The following DMXL1 variants were observed in gnomAD, a reference collection of about 807,000 sequenced individuals.
The protein encoded by DMXL1 is dmX-like protein 1.
Under a neutral mutation model 319.2 loss-of-function variants are expected in DMXL1, and 99 were observed. That is an observed-to-expected ratio of 0.31 (90% CI 0.26 to 0.37). The LOEUF is 0.37. Among genes scored for constraint, DMXL1 ranks in the 10% least tolerant of loss-of-function variants. DMXL1 has a pLI of 1.00. For missense variants in DMXL1, 3,745 were observed against 3,595.6 expected (o/e 1.04, Z -1.06); for synonymous variants, 1,385 against 1,235.2 (o/e 1.12, Z -2.54).
Position 119,133,543 on chromosome 5 carries a change from A to T in DMXL1, c.1619A>T (p.Asn540Ile). 6.2e-7 allele frequency: 1 copy of T among 1,612,876 alleles called. No homozygotes were observed. The highest frequency in any genetic ancestry group is 8.5e-7 in the Non-Finnish European group (1 of 1,179,752). The change falls in exon 12 of 44, where the codon AAC becomes ATC. Residue 540 changes from asparagine (N) to isoleucine (I), a missense_variant. By Grantham distance (149) the Asn-to-Ile change is moderately radical. Coordinates refer to ENST00000539542, the MANE Select transcript of DMXL1 (RefSeq NM_001290321.3). The stretch of plus-strand genomic sequence containing the variant: ...GTAGCTTTCCCCACAGGTGATGCAA[A>T]CTCTCTCTGTAAAAGCATAATGATG... ...IPVAFPTGDA[N>I]SLCKSIMMYA...
At chr5:119,173,780 A>G (rs868220735) in intron 25 of DMXL1, among the ~76,000 whole-genome samples, 48 of 111,036 alleles carry the variant, frequency 4.3e-4, no homozygotes, top group African/African-American at 1.4e-3. Context: ...GTGTGTGTAT[A>G]TATATATATA....
intron 38 of DMXL1, among the ~76,000 whole-genome samples, chr5:119,229,308 C>T (rs1036658100): frequency 6.6e-6 from 1 of 152,072 alleles, no homozygotes; most frequent in African/African-American, 2.4e-5. Context: ...AACAAAATCT[C>T]GATTTTGTGG....
At chr5:119,180,602 GTAT>G (rs1247770442) in intron 28 of DMXL1, among the ~76,000 whole-genome samples, 1 of 151,794 alleles carries the variant, frequency 6.6e-6, no homozygotes, top group Non-Finnish European at 1.5e-5. Flanking sequence ...AAAATATTAA[GTAT>G]TTTGTTTTTG....
chr5:119,129,346 T>G lies in DMXL1; in HGVS notation c.1238T>G (p.Leu413Arg). 1 of 1,613,808 alleles carries G rather than the reference T, an allele frequency of 6.2e-7. No homozygotes were observed. Among genetic ancestry groups the G allele is most frequent in the Non-Finnish European group, 8.5e-7 (1 of 1,179,876 alleles). ...TCCATGGAAGTTTTTTTACAGCAAC[T>G]TAGAAAAAGTTTTGAACAACCATCT... ...TLSMEVFLQQ[L>R]RKSFEQPSSE... Residue 413 changes from leucine to arginine, a missense_variant, in exon 10 of 44, where the codon CTT (leucine) becomes CGT (arginine). Physicochemically the swap from Leu to Arg is moderately radical, Grantham distance 102. Coordinates refer to ENST00000539542, the MANE Select transcript of DMXL1 (RefSeq NM_001290321.3).
chr5:119,173,698 G>GTGTGTGTGTGTGTGTGTGTA (rs1416089635), intron 25 of DMXL1, among the ~76,000 whole-genome samples: 1 of 55,856 alleles, frequency 1.8e-5, no homozygotes, highest in African/African-American at 4.0e-5. Context: ...GTGTGTGTGT[G>GTGTGTGTGTGTGTGTGTGTA]TATATATATA....
intron 32 of DMXL1, 66 bp from the exon 33 acceptor site, chr5:119,203,253 G>T: frequency 9.8e-7 from 1 of 1,019,896 alleles, no homozygotes; most frequent in Non-Finnish European, 1.4e-6. Flanking sequence ...TGGCACCAAG[G>T]AATTGTTATC....
intron 28 of DMXL1, among the ~76,000 whole-genome samples, chr5:119,182,560 A>G (rs998353752): frequency 6.6e-6 from 1 of 152,100 alleles, no homozygotes; most frequent in Non-Finnish European, 1.5e-5. Flanking sequence ...ACTAGATTAT[A>G]TTTCTTTCTA....
chr5:119,074,779 G>A (rs1287318415), intron 1 of DMXL1, among the ~76,000 whole-genome samples: 1 of 152,158 alleles, frequency 6.6e-6, no homozygotes, highest in African/African-American at 2.4e-5. Context: ...GATTGTATGT[G>A]TATGACTTCC....
intron 34 of DMXL1, 57 bp from the exon 35 acceptor site, chr5:119,216,841 ATAT>A: frequency 1.2e-6 from 1 of 849,090 alleles, no homozygotes; most frequent in Non-Finnish European, 1.9e-6. Flanking sequence ...AGATTGGCAT[ATAT>A]TATTAGTTCT....
chr5:119,094,296 C>G lies in DMXL1; in HGVS notation c.88-3683C>G, dbSNP rs112970951. Among the ~76,000 whole-genome samples, 65 of 152,170 alleles carry G rather than the reference C, an allele frequency of 4.3e-4. 1 individual carries two copies. Among genetic ancestry groups the G allele is most frequent in the African/African-American group, 2.2e-4 (9 of 41,448 alleles). ...TGAAGCCCATGCCCATTTATCATGC[C>G]GAGAATCCTAGAGTCTTTAAGAATT... On this transcript the variant is annotated intron_variant, in intron 1 of 43. Transcript: ENST00000539542.
intron 18 of DMXL1, among the ~76,000 whole-genome samples, chr5:119,151,525 C>A (rs1271960694): frequency 6.6e-6 from 1 of 152,030 alleles, no homozygotes; most frequent in Non-Finnish European, 1.5e-5. Context: ...AAATATCAGG[C>A]CCTCCCACCA....
intron 29 of DMXL1, among the ~76,000 whole-genome samples, chr5:119,191,991 G>T (rs1778780557): frequency 1.3e-5 from 2 of 152,140 alleles, no homozygotes; most frequent in Non-Finnish European, 2.9e-5. Context: ...TTTGGAGAAA[G>T]GACTTACCAA....
At chr5:119,176,151 G>A (rs943173139) in intron 26 of DMXL1, among the ~76,000 whole-genome samples, 3 of 151,902 alleles carry the variant, frequency 2.0e-5, no homozygotes, top group Non-Finnish European at 4.4e-5. Context: ...TAGAAATTCT[G>A]TTTTTCATTT....
intron 10 of DMXL1, among the ~76,000 whole-genome samples, chr5:119,132,068 A>G (rs1425306571): frequency 6.6e-6 from 1 of 152,206 alleles, no homozygotes; most frequent in East Asian, 1.9e-4. Flanking sequence ...GGATCAAAGT[A>G]CCAGTTTGAT....
chr5:119,075,601 G>A (rs1410993642), intron 1 of DMXL1, among the ~76,000 whole-genome samples: 1 of 151,946 alleles, frequency 6.6e-6, no homozygotes, highest in Non-Finnish European at 1.5e-5. Flanking sequence ...AGCAACTAGG[G>A]GAGACTTTAG....
chr5:119,089,294 T>TATATATATATATATATACATA (rs150933906), intron 1 of DMXL1, among the ~76,000 whole-genome samples: 1 of 16,996 alleles, frequency 5.9e-5, no homozygotes, highest in Non-Finnish European at 1.1e-4. Flanking sequence ...ATATATATAT[T>TATATATATATATATATACATA]TTTTTTTTTT....
chr5:119,167,659 T>C lies in DMXL1; in HGVS notation c.5193T>C (p.Tyr1731=). Reference sequence around the variant, plus strand: ...TGGCTCTTGTAATAGCAAGACTCTATGAGTCTGAATTTGATACATCTGCAG... The same window carrying C: ...TGGCTCTTGTAATAGCAAGACTCTACGAGTCTGAATTTGATACATCTGCAG... The part of the protein sequence containing the change: ...IQLALVIARL[Y]ESEFDTSAAY... The change falls in exon 23 of 44, where the codon TAT becomes TAC. Residue 1731 remains tyrosine, a synonymous_variant. Coordinates refer to ENST00000539542, the MANE Select transcript of DMXL1 (RefSeq NM_001290321.3). 1 of 1,609,574 alleles carries C rather than the reference T, an allele frequency of 6.2e-7. No homozygotes were observed. The highest frequency in any genetic ancestry group is 8.5e-7 in the Non-Finnish European group (1 of 1,176,288).
At position 119,221,001 on chromosome 5, in the gene DMXL1, C is replaced by A; in HGVS notation, c.8197C>A (p.Pro2733Thr). The A allele has an allele frequency of 6.2e-7, 1 of 1,613,836 alleles. No individual in the cohort carries two copies. The highest frequency in any genetic ancestry group is 8.5e-7 in the Non-Finnish European group (1 of 1,179,818). ...TTTAACAGCTGTTCAAGGTACAACT[C>A]CATATACACATAGCAATCCTGGCAC... ...DDLTAVQGTT[P>T]YTHSNPGTPI... The change falls in exon 37 of 44, where the codon CCA becomes ACA. Residue 2733 changes from proline (P) to threonine (T), a missense_variant. Physicochemically the swap from Pro to Thr is conservative, Grantham distance 38 (BLOSUM62 -1). Around this residue, in one of 4 missense-constraint regions of DMXL1, gnomAD observed 1,382 missense variants for 1,269.5 expected, o/e 1.09. Coordinates refer to ENST00000539542, the MANE Select transcript of DMXL1 (RefSeq NM_001290321.3).
chr5:119,173,692 GTGTGTGTATATATATA>G (rs1561794707), intron 25 of DMXL1, among the ~76,000 whole-genome samples: 1 of 113,924 alleles, frequency 8.8e-6, no homozygotes, highest in African/African-American at 2.7e-5. Flanking sequence ...GTGTGTGTGT[GTGTGTGTATATATATA>G]TGTGTGTGTG....
Sources: gnomAD v4.1 joint callset for allele counts (sites outside exome capture counted in the v4.1 genomes callset) on GRCh38, gnomAD v4.1.1 for gene constraint, gnomAD v4.1.1 regional missense constraint, MANE v1.5 for transcripts, NCBI Gene and HGNC (gene_info 2026-07-23, HGNC 2026-07-21) for gene names.